DSCAM: variants seen among roughly 807,000 people sequenced by gnomAD.
DSCAM encodes the protein DS cell adhesion molecule.
A neutral mutation model predicts 217.7 loss-of-function variants in DSCAM; 47 were observed. The observed-to-expected ratio is 0.22, with a 90% CI of 0.17 to 0.28. The LOEUF (loss-of-function observed/expected upper bound fraction) is 0.28. Ranked by LOEUF, DSCAM falls within the 10% of genes least tolerant of loss-of-function variation. DSCAM has a pLI of 1.00. For missense variants in DSCAM, 2,080 were observed against 2,618.3 expected (o/e 0.79, Z 4.49); for synonymous variants, 1,056 against 1,015.3 (o/e 1.04, Z -0.76).
At chr21:40,515,489 C>T (rs1395723336) in intron 3 of DSCAM, among the ~76,000 whole-genome samples, 1 of 152,076 alleles carries the variant, frequency 6.6e-6, no homozygotes, top group African/African-American at 2.4e-5. Flanking sequence ...TCAACATTAT[C>T]TTCTGAGAAC....
At chr21:40,797,747 C>T (rs1166666720) in intron 1 of DSCAM, among the ~76,000 whole-genome samples, 1 of 152,160 alleles carries the variant, frequency 6.6e-6, no homozygotes, top group African/African-American at 2.4e-5. Flanking sequence ...TGAATGGAGA[C>T]ATTCCAGAAA....
intron 16 of DSCAM, among the ~76,000 whole-genome samples, chr21:40,160,613 G>A (rs1179155149): frequency 6.6e-6 from 1 of 152,170 alleles, no homozygotes; most frequent in Non-Finnish European, 1.5e-5. Flanking sequence ...TGGTCCAATT[G>A]TAAAAATGTA....
chr21:40,711,217 C>T (rs961994894), intron 1 of DSCAM, among the ~76,000 whole-genome samples: 3 of 152,144 alleles, frequency 2.0e-5, no homozygotes, highest in African/African-American at 7.2e-5. Context: ...ATGGCCTGTG[C>T]TTCCAGATCT....
rs561943983 is a variant in DSCAM at position 40,071,229 on chromosome 21, G to C, written c.4888+3808C>G. ...ATCTAGAAGTTCAAGAAAAACCAGG[G>C]CATCATTAAAAGCAAAATGCGGCTC... On this transcript the variant is annotated intron_variant, in intron 27 of 32. Transcript: ENST00000400454. Among the ~76,000 whole-genome samples the C allele has an allele frequency of 5.3e-5, 8 of 152,120 alleles. No individual in the cohort carries two copies. In the South Asian group the frequency reaches 1.0e-3, roughly 20 times the overall value.
chr21:40,783,438 C>T (rs1287392100), intron 1 of DSCAM, among the ~76,000 whole-genome samples: 2 of 151,938 alleles, frequency 1.3e-5, no homozygotes, highest in South Asian at 2.1e-4. Flanking sequence ...TGTGTGTGTA[C>T]GTGTGTGTGC....
At chr21:40,343,146 G>A (rs9978239) in intron 6 of DSCAM, among the ~76,000 whole-genome samples, 111,181 of 152,034 alleles carry the variant, frequency 0.73, 41,041 homozygotes, top group African/African-American at 0.83. Flanking sequence ...TGCATTTTGT[G>A]TATCATTCTT....
chr21:40,388,973 G>A (rs1038814171), intron 3 of DSCAM, among the ~76,000 whole-genome samples: 1 of 152,066 alleles, frequency 6.6e-6, no homozygotes, highest in Non-Finnish European at 1.5e-5. Context: ...ACTACCCTGT[G>A]CCATTTAGAA....
At chr21:40,412,056 A>G (rs929344513) in intron 3 of DSCAM, among the ~76,000 whole-genome samples, 1 of 152,130 alleles carries the variant, frequency 6.6e-6, no homozygotes, top group Non-Finnish European at 1.5e-5. Flanking sequence ...TTTGGCATTC[A>G]TTCTCTCTTT....
intron 20 of DSCAM, among the ~76,000 whole-genome samples, chr21:40,122,102 C>A (rs966238192): frequency 2.6e-5 from 4 of 152,142 alleles, no homozygotes; most frequent in Admixed American, 1.3e-4. Context: ...TGCGTTTCTA[C>A]CCCATCTAAC....
intron 32 of DSCAM, among the ~76,000 whole-genome samples, chr21:40,040,180 T>G (rs1203809911): frequency 1.3e-5 from 2 of 152,220 alleles, no homozygotes; most frequent in Non-Finnish European, 2.9e-5. Flanking sequence ...AAAACAAAGT[T>G]TGTGGACATT....
chr21:40,560,460 G>A (rs963711517), intron 3 of DSCAM, among the ~76,000 whole-genome samples: 1 of 152,170 alleles, frequency 6.6e-6, no homozygotes, highest in Non-Finnish European at 1.5e-5. Context: ...CCCTGATGCC[G>A]ATGTCCACCC....
intron 1 of DSCAM, among the ~76,000 whole-genome samples, chr21:40,723,277 T>A (rs765157316): frequency 1.3e-5 from 2 of 152,062 alleles, no homozygotes; most frequent in Non-Finnish European, 2.9e-5. Context: ...AGGTCCCCAA[T>A]CCCCTTCCAA....
At chr21:40,410,759 CAA>C (rs112357519) in intron 3 of DSCAM, among the ~76,000 whole-genome samples, 3 of 142,616 alleles carry the variant, frequency 2.1e-5, no homozygotes, top group African/African-American at 7.8e-5. Context: ...CTATACAGTA[CAA>C]AAAAAAAAAA....
intron 3 of DSCAM, among the ~76,000 whole-genome samples, chr21:40,446,008 C>G (rs1348700738): frequency 6.6e-6 from 1 of 152,074 alleles, no homozygotes; most frequent in African/African-American, 2.4e-5. Flanking sequence ...ATCAACTTGC[C>G]TGTATATTAG....
At chr21:40,163,431 T>C (rs1209336118) in intron 16 of DSCAM, among the ~76,000 whole-genome samples, 1 of 152,224 alleles carries the variant, frequency 6.6e-6, no homozygotes, top group South Asian at 2.1e-4. Flanking sequence ...CAAATGAAAC[T>C]TTATTGTCAT....
At chr21:40,134,088 T>C in intron 18 of DSCAM, 79 bp from the exon 19 acceptor site, 1 of 1,520,496 alleles carries the variant, frequency 6.6e-7, no homozygotes, top group Non-Finnish European at 8.8e-7. Flanking sequence ...CCCCACTGAC[T>C]GTCCCTGTGC....
At chr21:40,567,178 A>G (rs2076771257) in intron 3 of DSCAM, among the ~76,000 whole-genome samples, 1 of 152,172 alleles carries the variant, frequency 6.6e-6, no homozygotes, top group South Asian at 2.1e-4. Context: ...AATTAAAACA[A>G]TTGTCATGGG....
chr21:40,376,912 T>A (rs2074969629), intron 3 of DSCAM, among the ~76,000 whole-genome samples: 1 of 152,036 alleles, frequency 6.6e-6, no homozygotes, highest in Non-Finnish European at 1.5e-5. Context: ...CAAAAATTTA[T>A]GTTAATGTCC....
At position 40,591,525 on chromosome 21, in the gene DSCAM, T is replaced by G. The variant is rs191692660; in HGVS notation, c.508+101285A>C. Among the ~76,000 whole-genome samples the G allele has an allele frequency of 8.5e-4, 130 of 152,280 alleles. 1 individual carries two copies. Among genetic ancestry groups the G allele is most frequent in the Admixed American group, 8.5e-3 (130 of 15,282 alleles). On this transcript the variant is annotated intron_variant, in intron 3 of 32. Transcript: ENST00000400454. ...TTTTCTATCCCAGTATGACAGACAT[T>G]TGAAACAGATAAAAGGAGTGTACTT... is the stretch of plus-strand genomic sequence containing the variant.
Sources: allele counts gnomAD v4.1 joint callset (sites outside exome capture counted in the v4.1 genomes callset), GRCh38; gene constraint gnomAD v4.1.1; transcripts MANE v1.5; gene names NCBI Gene and HGNC (gene_info 2026-07-23, HGNC 2026-07-21).